The following RALGAPA2 variants were observed in gnomAD, a reference collection of about 807,000 sequenced individuals.
RALGAPA2 encodes the protein Ral GTPase activating protein catalytic subunit alpha 2.
RALGAPA2 carries 139 observed loss-of-function variants against 230.4 expected under a neutral mutation model. The ratio of observed to expected loss-of-function variants is 0.60; its 90% CI spans 0.53 to 0.69. The LOEUF (loss-of-function observed/expected upper bound fraction) is 0.69, where lower values mean the gene tolerates loss of function less well. Ranked by LOEUF, RALGAPA2 falls within the 30% of genes least tolerant of loss-of-function variation. RALGAPA2 has a pLI of 0.00. For synonymous variants in RALGAPA2, 847 were observed against 837.8 expected (o/e 1.01, Z -0.19); for missense variants, 2,163 against 2,276.0 (o/e 0.95, Z 1.01).
At chr20:20,690,099 A>G (rs982884491) in intron 1 of RALGAPA2, among the ~76,000 whole-genome samples, 3 of 152,212 alleles carry the variant, frequency 2.0e-5, no homozygotes, top group African/African-American at 4.8e-5. Flanking sequence ...CACTTGTCTA[A>G]TATCATCAAG....
At chr20:20,403,822 C>T (rs1214731996) in intron 38 of RALGAPA2, among the ~76,000 whole-genome samples, 3 of 152,232 alleles carry the variant, frequency 2.0e-5, no homozygotes, top group Non-Finnish European at 2.9e-5. Flanking sequence ...GCAAGGTGTG[C>T]ACACTTCCTG....
intron 3 of RALGAPA2, among the ~76,000 whole-genome samples, chr20:20,656,286 A>T (rs2067586866): frequency 6.6e-6 from 1 of 152,258 alleles, no homozygotes; most frequent in African/African-American, 2.4e-5. Flanking sequence ...ATGCTTACTT[A>T]TTATAAAGAT....
intron 1 of RALGAPA2, among the ~76,000 whole-genome samples, chr20:20,693,286 T>C (rs6132338): frequency 0.028 from 4,338 of 152,332 alleles, 150 homozygotes; most frequent in East Asian, 0.17. Flanking sequence ...AATACAGGAT[T>C]CTAAAACTTT....
chr20:20,527,601 CCCACA>C (rs2063248070), intron 27 of RALGAPA2, among the ~76,000 whole-genome samples: 2 of 152,030 alleles, frequency 1.3e-5, no homozygotes, highest in African/African-American at 4.8e-5. Context: ...CCGCCCTCCC[CCCACA>C]CCCCCAAGAG....
intron 10 of RALGAPA2, among the ~76,000 whole-genome samples, chr20:20,626,380 T>A (rs1003565970): frequency 6.6e-6 from 1 of 152,220 alleles, no homozygotes; most frequent in Non-Finnish European, 1.5e-5. Context: ...TCAAATTAGA[T>A]CTGGTTAAGA....
chr20:20,486,245 T>C (rs930083773), intron 36 of RALGAPA2, among the ~76,000 whole-genome samples: 1 of 152,118 alleles, frequency 6.6e-6, no homozygotes, highest in African/African-American at 2.4e-5. Context: ...TATAATTTTT[T>C]TTTTTTTTTA....
At chr20:20,649,772 CAT>C (rs2067332995) in intron 4 of RALGAPA2, among the ~76,000 whole-genome samples, 2 of 152,290 alleles carry the variant, frequency 1.3e-5, no homozygotes, top group Admixed American at 1.3e-4. Flanking sequence ...AGTCAACACA[CAT>C]ATAACTTAAG....
chr20:20,470,451 T>A (rs2061513305), intron 37 of RALGAPA2, among the ~76,000 whole-genome samples: 1 of 152,322 alleles, frequency 6.6e-6, no homozygotes, highest in East Asian at 1.9e-4. Context: ...GTTGTCATCT[T>A]AGCACAGCAT....
intron 37 of RALGAPA2, among the ~76,000 whole-genome samples, chr20:20,457,916 G>A (rs1036012283): frequency 6.6e-6 from 1 of 152,188 alleles, no homozygotes; most frequent in Admixed American, 6.5e-5. Flanking sequence ...CATCTGGGGA[G>A]CAGTAGAGGC....
rs1569417328 is a variant in RALGAPA2 at position 20,458,470 on chromosome 20, A to AT, written c.5495+14358dup. Among the ~76,000 whole-genome samples the AT allele has an allele frequency of 6.6e-5, 7 of 105,654 alleles. 1 individual carries two copies. Among genetic ancestry groups the AT allele is most frequent in the African/African-American group, 3.6e-4 (7 of 19,622 alleles). The allele number at this position is 105,654 out of a possible 152,430, so 69.3% of individuals were successfully genotyped here. On this transcript the variant is annotated intron_variant, in intron 37 of 39. Coordinates refer to ENST00000202677, the MANE Select transcript of RALGAPA2 (RefSeq NM_020343.4). ...ATATAATACATATGTATTTTATATA[A>AT]TATATAATATATATGTATTTTATAT...
intron 36 of RALGAPA2, among the ~76,000 whole-genome samples, chr20:20,474,969 A>G (rs1348810832): frequency 6.6e-6 from 1 of 152,212 alleles, no homozygotes; most frequent in Non-Finnish European, 1.5e-5. Context: ...TAGAGCTTAG[A>G]GACATGAGAA....
Position 20,392,084 on chromosome 20 carries a change from G to C in RALGAPA2, c.*1205C>G, listed in dbSNP as rs1959648327. 6.6e-6 allele frequency: 1 copy of C among 152,268 alleles called. No homozygotes were observed. The highest frequency in any genetic ancestry group is 2.1e-4 in the South Asian group (1 of 4,834). 9.4% of individuals were successfully genotyped at this position (152,268 alleles called of 1,614,324 possible). On this transcript the variant is annotated 3_prime_UTR_variant, in exon 40 of 40. Transcript: ENST00000202677. ...CGCCAGCAGCTCTTCGCTGCTGACTGATTTCTCTGCTGCAGGACGGGCAAG... is the reference window on the plus strand; with the variant it reads ...CGCCAGCAGCTCTTCGCTGCTGACTCATTTCTCTGCTGCAGGACGGGCAAG...
intron 37 of RALGAPA2, among the ~76,000 whole-genome samples, chr20:20,461,964 G>GTAT (rs1556055154): frequency 6.7e-6 from 1 of 149,724 alleles, no homozygotes; most frequent in African/African-American, 2.5e-5. Flanking sequence ...CCCTTCATTG[G>GTAT]TGTTGGATTA....
At chr20:20,527,831 C>T (rs2063257721) in intron 27 of RALGAPA2, among the ~76,000 whole-genome samples, 1 of 152,160 alleles carries the variant, frequency 6.6e-6, no homozygotes, top group Non-Finnish European at 1.5e-5. Context: ...AGTGGGAGAA[C>T]ATGAGTGGGC....
chr20:20,584,882 C>T lies in RALGAPA2; in HGVS notation c.2513G>A (p.Cys838Tyr), dbSNP rs762851638. The T allele has an allele frequency of 6.2e-7, 1 of 1,610,510 alleles. No individual in the cohort carries two copies. Among genetic ancestry groups the T allele is most frequent in the East Asian group, 2.2e-5 (1 of 44,778 alleles). ...GAACTTACTCTTCTGTCTTTCCCTA[C>T]ATTTTCCTTGTGTCTGCTGCAAATC... ...KDDLQQTQGK[C>Y]RERQKSESTN... The change falls in exon 19 of 40, where the codon TGT (cysteine) becomes TAT (tyrosine). Residue 838 changes from cysteine to tyrosine, a missense_variant. By Grantham distance (194) the Cys-to-Tyr change is radical. Transcript: ENST00000202677.
intron 4 of RALGAPA2, among the ~76,000 whole-genome samples, chr20:20,651,896 C>A (rs1055528578): frequency 6.6e-6 from 1 of 152,142 alleles, no homozygotes; most frequent in African/African-American, 2.4e-5. Flanking sequence ...ACCACAAATC[C>A]CCATGATGTC....
chr20:20,537,482 T>G (rs544039012), intron 24 of RALGAPA2, among the ~76,000 whole-genome samples: 2 of 151,964 alleles, frequency 1.3e-5, no homozygotes, highest in African/African-American at 4.8e-5. Context: ...TAGCCAGGCA[T>G]GGTGGTGGGC....
chr20:20,526,408 G>GT, intron 27 of RALGAPA2, 46 bp from the exon 28 acceptor site: 1 of 1,273,268 alleles, frequency 7.9e-7, no homozygotes, highest in South Asian at 1.4e-5. Flanking sequence ...AACTTAACAG[G>GT]TGTATCGTTC....
chr20:20,600,258 T>C (rs2065597204), intron 16 of RALGAPA2, among the ~76,000 whole-genome samples: 1 of 152,192 alleles, frequency 6.6e-6, no homozygotes, highest in Admixed American at 6.5e-5. Flanking sequence ...ATCGCTCCAC[T>C]GCGGTTCAGC....
Sources: allele counts gnomAD v4.1 joint callset (sites outside exome capture counted in the v4.1 genomes callset), GRCh38; gene constraint gnomAD v4.1.1; transcripts MANE v1.5; gene names NCBI Gene and HGNC (gene_info 2026-07-23, HGNC 2026-07-21).